UGGT2: variants seen among roughly 807,000 people sequenced by gnomAD.
UGGT2 encodes the protein UDP-glucose:glycoprotein glucosyltransferase 2.
Under a neutral mutation model 192.1 loss-of-function variants are expected in UGGT2, and 180 were observed. The ratio of observed to expected loss-of-function variants is 0.94; its 90% CI spans 0.83 to 1.06. The LOEUF (loss-of-function observed/expected upper bound fraction) is 1.06. UGGT2 is among the 50% of genes least tolerant of loss of function. The probability of loss-of-function intolerance (pLI) is 0.00; values close to 1 mark genes in which losing one functional copy is unlikely to be tolerated. For missense variants in UGGT2, 1,849 were observed against 1,795.7 expected, an observed-to-expected ratio of 1.03 and a Z score of -0.54; for synonymous variants, 580 against 591.0, an observed-to-expected ratio of 0.98 and a Z score of 0.27.
chr13:95,949,477 G>T, intron 12 of UGGT2, 23 bp from the exon 13 acceptor site: 2 of 1,436,286 alleles, frequency 1.4e-6, no homozygotes, highest in African/African-American at 2.9e-5. Flanking sequence ...GCAGACACTT[G>T]TGAAAGCTAT....
At chr13:95,963,766 A>G (rs1473345424) in intron 12 of UGGT2, among the ~76,000 whole-genome samples, 1 of 152,198 alleles carries the variant, frequency 6.6e-6, no homozygotes, top group Non-Finnish European at 1.5e-5. Context: ...AGAAATCAAA[A>G]GGGTAATCCC....
intron 33 of UGGT2, among the ~76,000 whole-genome samples, chr13:95,858,501 G>C (rs1275291103): frequency 2.0e-5 from 3 of 152,008 alleles, no homozygotes; most frequent in Non-Finnish European, 4.4e-5. Context: ...AGCTTCCCTG[G>C]TTGGCAATAC....
At chr13:96,007,370 C>T (rs932796478) in intron 5 of UGGT2, among the ~76,000 whole-genome samples, 1 of 152,092 alleles carries the variant, frequency 6.6e-6, no homozygotes, top group African/African-American at 2.4e-5. Flanking sequence ...TAATTGAAAG[C>T]CATCCCTCAA....
At chr13:96,052,839 C>G (rs2053525079) in intron 1 of UGGT2, among the ~76,000 whole-genome samples, 2 of 152,324 alleles carry the variant, frequency 1.3e-5, no homozygotes, top group Admixed American at 6.5e-5. Flanking sequence ...GAACTGCCTA[C>G]CCCAGTAGAA....
intron 4 of UGGT2, among the ~76,000 whole-genome samples, chr13:96,018,467 G>C (rs2052406481): frequency 6.6e-6 from 1 of 152,076 alleles, no homozygotes; most frequent in Admixed American, 6.5e-5. Context: ...AGTAAGCCAA[G>C]ACTGCACCAC....
In UGGT2 at chr13:95,925,722, C is replaced by T; in HGVS notation, c.2253G>A (p.Lys751=). The T allele has an allele frequency of 6.3e-7, 1 of 1,580,132 alleles. No individual in the cohort carries two copies. The highest frequency in any genetic ancestry group is 8.6e-7 in the Non-Finnish European group (1 of 1,159,916). The change falls in exon 20 of 39, where the codon AAG becomes AAA. Residue 751 remains lysine, a synonymous_variant. Coordinates refer to ENST00000376747, the MANE Select transcript of UGGT2 (RefSeq NM_020121.4). ...VTLWIIADFD[K]PSGRKLLFNA... is the part of the protein sequence containing the mutation. ...TAAAAAGAAGTTTTCTCCCAGAAGG[C>T]TTATCAAAATCTGCAATAATCCAGA...
chr13:95,856,184 T>C lies in UGGT2; in HGVS notation c.3982A>G (p.Lys1328Glu). 1 of 1,611,460 alleles carries C rather than the reference T, an allele frequency of 6.2e-7. No homozygotes were observed. Among genetic ancestry groups the C allele is most frequent in the East Asian group, 2.2e-5 (1 of 44,798 alleles). Reference sequence around the variant, plus strand: ...TGGTCAGCATCAACAAAAATGATTTTGTCCACTGCTAGTGGGAAAAGAACA... The same window carrying C: ...TGGTCAGCATCAACAAAAATGATTTCGTCCACTGCTAGTGGGAAAAGAACA... The part of the protein sequence containing the change: ...LDVLFPLAVD[K>E]IIFVDADQIV... Residue 1328 changes from lysine (K) to glutamate (E), a missense_variant, in exon 34 of 39, where the codon AAA becomes GAA. Lys to Glu is a moderately conservative substitution (Grantham distance 56). Coordinates refer to ENST00000376747, the MANE Select transcript of UGGT2 (RefSeq NM_020121.4).
chr13:95,986,465 A>C (rs769075944), intron 8 of UGGT2, 33 bp from the exon 9 acceptor site: 46 of 1,429,824 alleles, frequency 3.2e-5, no homozygotes, highest in Non-Finnish European at 4.3e-5. Context: ...GGAATCTAGC[A>C]TAATATTAGA....
At chr13:95,839,984 T>C (rs1887694418) in intron 36 of UGGT2, among the ~76,000 whole-genome samples, 2 of 152,200 alleles carry the variant, frequency 1.3e-5, no homozygotes. Context: ...TACATAGACA[T>C]ATTTCGTATT....
At chr13:95,973,555 G>T (rs975293376) in intron 10 of UGGT2, among the ~76,000 whole-genome samples, 1 of 152,148 alleles carries the variant, frequency 6.6e-6, no homozygotes, top group African/African-American at 2.4e-5. Context: ...AGCTATATTT[G>T]ATTTTTCACT....
Position 95,837,076 on chromosome 13 carries a change from A to G in UGGT2, c.4401+10T>C, listed in dbSNP as rs1443355832. 6 of 1,577,832 alleles carry G rather than the reference A, an allele frequency of 3.8e-6. No homozygotes were observed. The highest frequency in any genetic ancestry group is 5.2e-6 in the Non-Finnish European group (6 of 1,147,338). On this transcript the variant is annotated intron_variant, in intron 37 of 38. Coordinates refer to ENST00000376747, the MANE Select transcript of UGGT2 (RefSeq NM_020121.4). ...TCTGCTTACATACAAATGAAAACAA[A>G]GACACTCACCAGATCAATTGTTTTG... is the stretch of plus-strand genomic sequence containing the variant.
At chr13:95,814,958 A>G (rs765178124) in intron 38 of UGGT2, among the ~76,000 whole-genome samples, 2 of 152,236 alleles carry the variant, frequency 1.3e-5, no homozygotes, top group Non-Finnish European at 2.9e-5. Flanking sequence ...TTATATATTA[A>G]CTACAAGAGA....
chr13:95,849,135 C>T (rs1340392250), intron 36 of UGGT2, among the ~76,000 whole-genome samples: 1 of 152,008 alleles, frequency 6.6e-6, no homozygotes, highest in South Asian at 2.1e-4. Flanking sequence ...AAATCTACAT[C>T]AGGCAATGTG....
In UGGT2 at chr13:95,978,222, G is replaced by GA. The variant is rs377031254; in HGVS notation, c.1093-5552dup. ...AAAAAAAGAGCAAACTTACAAAAAA[G>GA]AAAAAAGTCATTTTAACACGTGAGA... is the stretch of plus-strand genomic sequence containing the variant. On this transcript the variant is annotated intron_variant, in intron 10 of 38. Transcript: ENST00000376747. Among the ~76,000 whole-genome samples, 800 of 152,048 alleles carry GA rather than the reference G, an allele frequency of 5.3e-3. 11 individuals are homozygous for GA. Among genetic ancestry groups the GA allele is most frequent in the African/African-American group, 0.018 (765 of 41,482 alleles).
intron 20 of UGGT2, among the ~76,000 whole-genome samples, chr13:95,907,005 G>A (rs1477383113): frequency 6.6e-6 from 1 of 152,214 alleles, no homozygotes; most frequent in Non-Finnish European, 1.5e-5. Flanking sequence ...CCCTTTCCTA[G>A]CCAAGGGAAG....
chr13:95,904,165 T>C (rs915868076), intron 20 of UGGT2, among the ~76,000 whole-genome samples: 49 of 152,134 alleles, frequency 3.2e-4, no homozygotes, highest in Non-Finnish European at 5.7e-4. Context: ...GATGATGTGT[T>C]ATAATGGGAA....
chr13:96,052,351 A>G (rs2053510012), intron 1 of UGGT2, among the ~76,000 whole-genome samples: 2 of 152,166 alleles, frequency 1.3e-5, no homozygotes, highest in Admixed American at 1.3e-4. Flanking sequence ...ATAAAAGACT[A>G]CAAATTGGGT....
intron 20 of UGGT2, among the ~76,000 whole-genome samples, chr13:95,909,612 G>C: frequency 9.8e-6 from 1 of 101,616 alleles, no homozygotes; most frequent in East Asian, 3.3e-4. Context: ...TGGGGTGGGG[G>C]GAGGGGGGAG....
At chr13:95,900,167 A>ATGTT (rs1424998396) in intron 22 of UGGT2, among the ~76,000 whole-genome samples, 1 of 152,118 alleles carries the variant, frequency 6.6e-6, no homozygotes, top group African/African-American at 2.4e-5. Flanking sequence ...ATTTATATTA[A>ATGTT]CAGAAAAATC....
Sources: gnomAD v4.1 joint callset for allele counts (sites outside exome capture counted in the v4.1 genomes callset) on GRCh38, gnomAD v4.1.1 for gene constraint, MANE v1.5 for transcripts, NCBI Gene and HGNC (gene_info 2026-07-23, HGNC 2026-07-21) for gene names.